SH3RF1: variants seen among roughly 807,000 people sequenced by gnomAD.
SH3RF1 encodes the protein E3 ubiquitin-protein ligase SH3RF1.
A neutral mutation model predicts 74.0 loss-of-function variants in SH3RF1; 32 were observed. The observed-to-expected ratio is 0.43, with a 90% CI of 0.33 to 0.58. The LOEUF is 0.58. Among genes scored for constraint, SH3RF1 ranks in the 20% least tolerant of loss-of-function variants. The pLI, the probability that SH3RF1 is intolerant of heterozygous loss-of-function variation, is 0.05. For synonymous variants in SH3RF1, 396 were observed against 439.6 expected, an observed-to-expected ratio of 0.90 and a Z score of 1.24; for missense variants, 954 against 1,130.9, an observed-to-expected ratio of 0.84 and a Z score of 2.24.
chr4:169,256,043 T>C (rs747410432), intron 2 of SH3RF1, among the ~76,000 whole-genome samples: 4 of 152,104 alleles, frequency 2.6e-5, no homozygotes, highest in Non-Finnish European at 4.4e-5. Context: ...TCTGAGACTA[T>C]AGGCGTGAGC....
intron 6 of SH3RF1, among the ~76,000 whole-genome samples, chr4:169,126,798 C>T (rs764164557): frequency 6.6e-6 from 1 of 151,882 alleles, no homozygotes; most frequent in Non-Finnish European, 1.5e-5. Flanking sequence ...TCTATGTTGC[C>T]CATGCTGGTC....
chr4:169,236,813 T>C (rs1730829618), intron 2 of SH3RF1, among the ~76,000 whole-genome samples: 1 of 152,172 alleles, frequency 6.6e-6, no homozygotes. Context: ...AATAAAATGC[T>C]ACATATGTAG....
At chr4:169,270,718 C>A (rs1731436173) in intron 1 of SH3RF1, 141 bp downstream of exon 1, 1 of 152,198 alleles carries the variant, frequency 6.6e-6, no homozygotes, top group African/African-American at 2.4e-5. Flanking sequence ...TGATTCCCGG[C>A]CCACGGGGAC....
chr4:169,265,393 G>A (rs12501568), intron 2 of SH3RF1, among the ~76,000 whole-genome samples: 10,816 of 152,294 alleles, frequency 0.071, 512 homozygotes, highest in South Asian at 0.18. Flanking sequence ...GAGGCATCAT[G>A]AAATCATTAA....
chr4:169,269,318 G>A lies in SH3RF1; in HGVS notation c.-95-11C>T. The A allele has an allele frequency of 8.7e-7, 1 of 1,145,786 alleles. No individual in the cohort carries two copies. Among genetic ancestry groups the A allele is most frequent in the Admixed American group, 2.9e-5 (1 of 34,412 alleles). The allele number at this position is 1,145,786 out of a possible 1,614,324, so 71.0% of individuals were successfully genotyped here. On this transcript the variant is annotated splice_polypyrimidine_tract_variant and intron_variant, in intron 1 of 11. Transcript: ENST00000284637. ...ATTTCAGACTTTGCTCTAGAGTCAT[G>A]GGGAAAAGGGGGAAAAGAGAACATG...
At chr4:169,222,229 C>T (rs1206153323) in intron 2 of SH3RF1, among the ~76,000 whole-genome samples, 1 of 151,966 alleles carries the variant, frequency 6.6e-6, no homozygotes, top group Non-Finnish European at 1.5e-5. Context: ...TTTGGGAGGC[C>T]GAGGCAGGTA....
At chr4:169,231,109 C>T (rs541855459) in intron 2 of SH3RF1, among the ~76,000 whole-genome samples, 63 of 152,206 alleles carry the variant, frequency 4.1e-4, no homozygotes, top group African/African-American at 1.4e-3. Flanking sequence ...TAATACTTAC[C>T]TCATGGGGTT....
At chr4:169,169,609 A>T (rs1199652064) in intron 2 of SH3RF1, among the ~76,000 whole-genome samples, 9 of 152,210 alleles carry the variant, frequency 5.9e-5, no homozygotes, top group East Asian at 1.9e-4. Flanking sequence ...AAAATAAAAA[A>T]AAATAAAAAA....
At position 169,094,774 on chromosome 4, in the gene SH3RF1, T is replaced by C. The variant is rs1356982174; in HGVS notation, c.*1745A>G. ...TCAACACACAGGAACATAATATACA[T>C]TGTTTTTTTTTAAAAAAAAGGTTAA... On this transcript the variant is annotated 3_prime_UTR_variant, in exon 12 of 12. Transcript: ENST00000284637. The C allele has an allele frequency of 6.6e-6, 1 of 150,662 alleles. No individual in the cohort carries two copies. Among genetic ancestry groups the C allele is most frequent in the African/African-American group, 2.4e-5 (1 of 41,190 alleles). The allele number at this position is 150,662 out of a possible 1,614,324, so 9.3% of individuals were successfully genotyped here.
chr4:169,204,845 CG>C (rs2126992522), intron 2 of SH3RF1, among the ~76,000 whole-genome samples: 1 of 152,130 alleles, frequency 6.6e-6, no homozygotes, highest in African/African-American at 2.4e-5. Context: ...CACTGAGCCC[CG>C]GCCACCTTCT....
intron 2 of SH3RF1, among the ~76,000 whole-genome samples, chr4:169,244,161 A>C (rs1730957279): frequency 6.6e-6 from 1 of 152,174 alleles, no homozygotes; most frequent in Admixed American, 6.5e-5. Flanking sequence ...GTTTTAAGAC[A>C]TTTATTTCAA....
chr4:169,150,395 A>G (rs1457510206), intron 4 of SH3RF1, among the ~76,000 whole-genome samples: 2 of 152,128 alleles, frequency 1.3e-5, no homozygotes, highest in African/African-American at 4.8e-5. Flanking sequence ...TTTATCATGT[A>G]TAAGATGATG....
At chr4:169,253,197 G>A (rs144800001) in intron 2 of SH3RF1, among the ~76,000 whole-genome samples, 30 of 152,282 alleles carry the variant, frequency 2.0e-4, no homozygotes, top group Non-Finnish European at 4.0e-4. Context: ...AAACCACAGC[G>A]TGGCACATTT....
chr4:169,109,485 G>A (rs1276563004), intron 10 of SH3RF1, among the ~76,000 whole-genome samples: 2 of 152,164 alleles, frequency 1.3e-5, no homozygotes, highest in African/African-American at 4.8e-5. Flanking sequence ...AGAGGATTAG[G>A]AATCATGGCA....
At chr4:169,263,979 C>T (rs1731316145) in intron 2 of SH3RF1, among the ~76,000 whole-genome samples, 1 of 152,134 alleles carries the variant, frequency 6.6e-6, no homozygotes, top group African/African-American at 2.4e-5. Context: ...TATTCCATGA[C>T]AGAACACAGA....
At chr4:169,099,660 G>C (rs1732984559) in intron 11 of SH3RF1, among the ~76,000 whole-genome samples, 1 of 152,038 alleles carries the variant, frequency 6.6e-6, no homozygotes, top group African/African-American at 2.4e-5. Flanking sequence ...AGGTGAAATG[G>C]AATAAAAATG....
At chr4:169,224,598 G>A (rs2660407) in intron 2 of SH3RF1, among the ~76,000 whole-genome samples, 72,991 of 152,062 alleles carry the variant, frequency 0.48, 18,525 homozygotes, top group East Asian at 0.78. Flanking sequence ...GATTACAGGC[G>A]TGAACCACCA....
chr4:169,123,020 T>C (rs529677210), intron 6 of SH3RF1, among the ~76,000 whole-genome samples: 34 of 152,292 alleles, frequency 2.2e-4, no homozygotes, highest in Non-Finnish European at 4.1e-4. Flanking sequence ...AGGGTCTGTA[T>C]ACTGAAACTC....
At chr4:169,130,187 A>G (rs1382381391) in intron 5 of SH3RF1, 31 bp from the exon 6 acceptor site, 1 of 1,444,878 alleles carries the variant, frequency 6.9e-7, no homozygotes, top group Non-Finnish European at 9.3e-7. Flanking sequence ...ATTAAAAAGA[A>G]GACTATGTTT....
Sources: gnomAD v4.1 joint callset for allele counts (sites outside exome capture counted in the v4.1 genomes callset) on GRCh38, gnomAD v4.1.1 for gene constraint, MANE v1.5 for transcripts, NCBI Gene and HGNC (gene_info 2026-07-23, HGNC 2026-07-21) for gene names.